The following ABHD10 variants were observed in gnomAD, a reference collection of about 807,000 sequenced individuals.
ABHD10 encodes the protein abhydrolase domain containing 10, depalmitoylase, also known as palmitoyl-protein thioesterase ABHD10, mitochondrial.
In ABHD10, 22 loss-of-function variants were observed where a neutral mutation model predicts 33.1. That is an observed-to-expected ratio of 0.66 (90% confidence interval 0.47 to 0.95). The LOEUF is 0.95. Ranked by LOEUF, ABHD10 falls within the 40% of genes least tolerant of loss-of-function variation. The pLI is 0.00. For synonymous variants in ABHD10, 146 were observed against 133.9 expected, an observed-to-expected ratio of 1.09 and a Z score of -0.62; for missense variants, 352 against 379.9, an observed-to-expected ratio of 0.93 and a Z score of 0.61.
intron 4 of ABHD10, 83 bp downstream of exon 4, chr3:111,987,134 G>C: frequency 6.7e-7 from 1 of 1,499,150 alleles, no homozygotes; most frequent in South Asian, 1.2e-5. Context: ...GGGAAGGGGG[G>C]ACAGAAAACA....
At position 111,991,616 on chromosome 3, in the gene ABHD10, C is replaced by T. The variant is rs1204587828; in HGVS notation, c.816C>T (p.Ile272=). The change falls in exon 5 of 5, where the codon ATC becomes ATT. Residue 272 remains isoleucine, a synonymous_variant. Transcript: ENST00000273359. ...DRVLSTDVDV[I]LRKHSDHRMR... ...TACTCAGCACAGATGTGGATGTCAT[C>T]CTCCGAAAACACAGTGATCACCGAA... The T allele has an allele frequency of 1.9e-6, 3 of 1,613,936 alleles. No individual in the cohort carries two copies. Among genetic ancestry groups the T allele is most frequent in the Non-Finnish European group, 2.5e-6 (3 of 1,179,964 alleles).
chr3:111,984,198 T>A (rs545782182), intron 2 of ABHD10, among the ~76,000 whole-genome samples: 4 of 152,256 alleles, frequency 2.6e-5, no homozygotes, highest in South Asian at 4.1e-4. Context: ...ATACCCTGGA[T>A]TGAGGGGGAA....
intron 4 of ABHD10, among the ~76,000 whole-genome samples, chr3:111,989,784 G>A (rs1243590222): frequency 1.3e-5 from 2 of 151,126 alleles, no homozygotes; most frequent in Non-Finnish European, 2.9e-5. Context: ...TAAATCATTT[G>A]GAGACATATT....
chr3:111,979,342 G>T, intron 1 of ABHD10, 139 bp downstream of exon 1: 1 of 1,078,876 alleles, frequency 9.3e-7, no homozygotes, highest in South Asian at 1.8e-5. Context: ...AGTTCTAGGC[G>T]CTTTGTAGAC....
intron 4 of ABHD10, 97 bp downstream of exon 4, chr3:111,987,148 A>T: frequency 7.0e-7 from 1 of 1,418,510 alleles, no homozygotes; most frequent in Non-Finnish European, 9.6e-7. Context: ...GAAAACAATA[A>T]TTCCTTTGAC....
rs1356071658 is a variant in ABHD10 at position 111,986,932 on chromosome 3, C to T, written c.457C>T (p.Leu153Phe). The change falls in exon 4 of 5, where the codon CTT (leucine) becomes TTT (phenylalanine). Residue 153 changes from leucine (L) to phenylalanine (F), a missense_variant. Physicochemically the swap from Leu to Phe is conservative, Grantham distance 22 (BLOSUM62 0). Coordinates refer to ENST00000273359, the MANE Select transcript of ABHD10 (RefSeq NM_018394.4). ...TTTTTAGATTCTTGTTGGATCTAGC[C>T]TTGGAGGGTGGCTTATGCTTCATGC... ...DGPQILVGSS[L>F]GGWLMLHAAI... 1 of 1,607,056 alleles carries T rather than the reference C, an allele frequency of 6.2e-7. No individual in the cohort carries two copies. Among genetic ancestry groups the T allele is most frequent in the East Asian group, 2.2e-5 (1 of 44,534 alleles).
chr3:111,981,683 C>T (rs1039607433), intron 1 of ABHD10, 101 bp from the exon 2 acceptor site: 4 of 1,057,804 alleles, frequency 3.8e-6, no homozygotes, highest in African/African-American at 1.6e-5. Context: ...TAGTATTTAA[C>T]ATCAATTCAT....
At chr3:111,990,415 A>G (rs565709305) in intron 4 of ABHD10, among the ~76,000 whole-genome samples, 83 of 152,138 alleles carry the variant, frequency 5.5e-4, no homozygotes, top group South Asian at 1.4e-3. Flanking sequence ...TAAGCCATAT[A>G]TTAATGGTTT....
rs2072745461 is a variant in ABHD10, at chr3:111,991,942, TC to T, written c.*222del. The T allele has an allele frequency of 4.7e-6, 2 of 425,214 alleles. No individual in the cohort carries two copies. The highest frequency in any genetic ancestry group is 8.3e-5 in the East Asian group (2 of 24,218). The allele number at this position is 425,214 out of a possible 1,614,324, so 26.3% of individuals were successfully genotyped here. A position where few individuals can be genotyped will look rare whatever the true frequency, so the allele number is the denominator to read the frequency against. On this transcript the variant is annotated 3_prime_UTR_variant, in exon 5 of 5. Transcript: ENST00000273359. Reference sequence around the variant, plus strand: ...CCTTCCTTCTGTCCTTGATTTTTTTTCATTAAAGTATTTCCTTTTTTTAATT... The same window carrying T: ...CCTTCCTTCTGTCCTTGATTTTTTTTATTAAAGTATTTCCTTTTTTTAATT...
At position 111,979,029 on chromosome 3, in the gene ABHD10, G is replaced by C. The variant is rs764478658; in HGVS notation, c.-33G>C. On this transcript the variant is annotated 5_prime_UTR_variant, in exon 1 of 5. Transcript: ENST00000273359. ...TCCGTTGCGTAGCGTGTCCCTCAGT[G>C]GGACACTGCAGGGTGCGGGGACAAC... 112 of 1,596,470 alleles carry C rather than the reference G, an allele frequency of 7.0e-5. No homozygotes were observed. Among genetic ancestry groups the C allele is most frequent in the Non-Finnish European group, 9.2e-5 (108 of 1,169,078 alleles).
At chr3:111,983,221 G>A (rs76279680) in intron 2 of ABHD10, among the ~76,000 whole-genome samples, 11,237 of 152,166 alleles carry the variant, frequency 0.074, 513 homozygotes, top group Non-Finnish European at 0.099. Context: ...ATAAAGGAAC[G>A]TTGAAGAATA....
chr3:111,992,093 C>A lies in ABHD10; in HGVS notation c.*372C>A. The A allele has an allele frequency of 6.3e-6, 1 of 158,030 alleles. No individual in the cohort carries two copies. The highest frequency in any genetic ancestry group is 1.9e-4 in the South Asian group (1 of 5,158). 9.8% of individuals were successfully genotyped at this position (158,030 alleles called of 1,614,324 possible). On this transcript the variant is annotated 3_prime_UTR_variant, in exon 5 of 5. Transcript: ENST00000273359. ...TTTTATTATAGACAGAAATTTGTAA[C>A]ATTACTTCTGATTTGAAAATGCAAT...
intron 2 of ABHD10, among the ~76,000 whole-genome samples, chr3:111,985,132 A>G (rs192992141): frequency 1.3e-5 from 2 of 152,302 alleles, no homozygotes; most frequent in East Asian, 1.9e-4. Flanking sequence ...AAGGGTGACT[A>G]CGAATTTGGG....
intron 4 of ABHD10, among the ~76,000 whole-genome samples, 165 bp downstream of exon 4, chr3:111,987,216 A>G (rs940672898): frequency 9.2e-5 from 14 of 152,128 alleles, no homozygotes; most frequent in Admixed American, 2.0e-4. Context: ...CCTCTTTTCT[A>G]TCTTTAACTA....
chr3:111,984,138 G>T (rs1320390825), intron 2 of ABHD10, among the ~76,000 whole-genome samples: 1 of 152,106 alleles, frequency 6.6e-6, no homozygotes, highest in African/African-American at 2.4e-5. Flanking sequence ...GAGAAAATTA[G>T]TTGGTGTCTT....
chr3:111,985,983 G>A (rs1559936584), intron 2 of ABHD10, among the ~76,000 whole-genome samples: 1 of 152,150 alleles, frequency 6.6e-6, no homozygotes, highest in Non-Finnish European at 1.5e-5. Flanking sequence ...GACAATGAGT[G>A]TGAAAATGCA....
chr3:111,980,416 T>C (rs779758737), intron 1 of ABHD10, among the ~76,000 whole-genome samples: 2 of 152,206 alleles, frequency 1.3e-5, no homozygotes, highest in Non-Finnish European at 2.9e-5. Flanking sequence ...GGGAAAACTT[T>C]AGCAGCACAC....
chr3:111,991,364 C>T lies in ABHD10; in HGVS notation c.577-13C>T. 1.3e-6 allele frequency: 2 copies of T among 1,584,354 alleles called. No homozygotes were observed. Among genetic ancestry groups the T allele is most frequent in the South Asian group, 2.4e-5 (2 of 84,678 alleles). On this transcript the variant is annotated splice_polypyrimidine_tract_variant and intron_variant, in intron 4 of 4. Coordinates refer to ENST00000273359, the MANE Select transcript of ABHD10 (RefSeq NM_018394.4). ...GTCACAAATACTTTTATTTTTCTTT[C>T]TTTTTCCAATAGCTAAAAAAGGAAG...
At chr3:111,980,146 C>A (rs2072563759) in intron 1 of ABHD10, among the ~76,000 whole-genome samples, 1 of 151,992 alleles carries the variant, frequency 6.6e-6, no homozygotes. Context: ...CTACTTAGAA[C>A]TTACATTAAA....
Sources: allele counts gnomAD v4.1 joint callset (sites outside exome capture counted in the v4.1 genomes callset), GRCh38; gene constraint gnomAD v4.1.1; transcripts MANE v1.5; gene names NCBI Gene and HGNC (gene_info 2026-07-23, HGNC 2026-07-21).